Variants in TENM3 observed in about 807,000 individuals in gnomAD.
The protein encoded by TENM3 is teneurin-3.
TENM3 carries 63 observed loss-of-function variants against 255.1 expected under a neutral mutation model. That is an observed-to-expected ratio of 0.25 (90% CI 0.20 to 0.30). The LOEUF is 0.30. Among genes scored for constraint, TENM3 ranks in the 10% least tolerant of loss-of-function variants. The probability of loss-of-function intolerance (pLI) is 1.00; values close to 1 mark genes in which losing one functional copy is unlikely to be tolerated. For missense variants in TENM3, 2,929 were observed against 3,461.1 expected, an observed-to-expected ratio of 0.85 and a Z score of 3.86; for synonymous variants, 1,306 against 1,322.3, an observed-to-expected ratio of 0.99 and a Z score of 0.27.
chr4:181,714,278 A>T, the TENM3 span, among the ~76,000 whole-genome samples: 1 of 151,634 alleles, frequency 6.6e-6, no homozygotes, highest in African/African-American at 2.4e-5. Context: ...TGTACAAAGA[A>T]GTTAGAAAAA....
At chr4:182,255,339 C>T (rs1758321040) in intron 1 of TENM3, among the ~76,000 whole-genome samples, 1 of 152,064 alleles carries the variant, frequency 6.6e-6, no homozygotes, top group South Asian at 2.1e-4. Flanking sequence ...TGGATGAGAT[C>T]ATTAACTGTT....
At chr4:181,686,535 A>G in the TENM3 span, among the ~76,000 whole-genome samples, 1 of 152,174 alleles carries the variant, frequency 6.6e-6, no homozygotes, top group Non-Finnish European at 1.5e-5. Context: ...GCGCCCAATT[A>G]GGTGGAAAAC....
At chr4:181,620,116 C>A in the TENM3 span, among the ~76,000 whole-genome samples, 4 of 152,002 alleles carry the variant, frequency 2.6e-5, no homozygotes, top group Non-Finnish European at 4.4e-5. Flanking sequence ...CAAAAGTTAG[C>A]TGGGCGTGGT....
the TENM3 span, among the ~76,000 whole-genome samples, chr4:182,092,094 C>A: frequency 6.6e-6 from 1 of 152,198 alleles, no homozygotes. Flanking sequence ...AATCCCAACA[C>A]TTTGGGAGGC....
At chr4:182,339,822 A>G (rs1764372340) in intron 2 of TENM3, among the ~76,000 whole-genome samples, 1 of 152,168 alleles carries the variant, frequency 6.6e-6, no homozygotes, top group Non-Finnish European at 1.5e-5. Flanking sequence ...TTGCAGGCGT[A>G]TTATCATTGC....
At chr4:181,906,047 C>T in the TENM3 span, 3 of 395,038 alleles carry the variant, frequency 7.6e-6, no homozygotes, top group South Asian at 7.2e-5. Flanking sequence ...TGTTCTCTCT[C>T]AACATCAGAC....
At chr4:181,562,724 T>A in the TENM3 span, among the ~76,000 whole-genome samples, 1 of 151,038 alleles carries the variant, frequency 6.6e-6, no homozygotes, top group African/African-American at 2.4e-5. Context: ...TCACCCAGGC[T>A]AGAGCAGTGC....
intron 6 of TENM3, among the ~76,000 whole-genome samples, chr4:182,669,588 A>T (rs2152545861): frequency 6.6e-6 from 1 of 152,190 alleles, no homozygotes; most frequent in South Asian, 2.1e-4. Context: ...CAGTTTTTTA[A>T]GTTTTATCAA....
At chr4:182,308,930 C>G (rs1027953531) in intron 1 of TENM3, among the ~76,000 whole-genome samples, 2 of 152,120 alleles carry the variant, frequency 1.3e-5, no homozygotes, top group African/African-American at 4.8e-5. Flanking sequence ...GAAAAATATT[C>G]TAGAGAATGG....
intron 1 of TENM3, chr4:182,169,287 T>C (rs770007604): frequency 4.2e-6 from 2 of 479,954 alleles, no homozygotes; most frequent in Admixed American, 4.5e-5. Context: ...GGGTATAGCA[T>C]TTCAGAAGAT....
At chr4:182,699,317 T>C (rs953213779) in intron 12 of TENM3, among the ~76,000 whole-genome samples, 2 of 152,348 alleles carry the variant, frequency 1.3e-5, no homozygotes, top group East Asian at 3.9e-4. Flanking sequence ...GGATTTGTAT[T>C]GTTTTTTGAT....
chr4:182,626,790 G>T (rs1400292281), intron 4 of TENM3, among the ~76,000 whole-genome samples: 1 of 152,076 alleles, frequency 6.6e-6, no homozygotes, highest in Non-Finnish European at 1.5e-5. Flanking sequence ...TGTACAAGTG[G>T]CAACTCATCA....
the TENM3 span, among the ~76,000 whole-genome samples, chr4:182,108,146 C>A: frequency 6.6e-6 from 1 of 152,142 alleles, no homozygotes; most frequent in African/African-American, 2.4e-5. Context: ...GAGCATGTGC[C>A]CAGCCTGCAC....
the TENM3 span, among the ~76,000 whole-genome samples, chr4:181,981,934 C>T: frequency 6.6e-6 from 1 of 152,138 alleles, no homozygotes; most frequent in Non-Finnish European, 1.5e-5. Flanking sequence ...TGATCAGACT[C>T]CTATTTAAGA....
At chr4:181,769,736 T>G in the TENM3 span, among the ~76,000 whole-genome samples, 1 of 152,230 alleles carries the variant, frequency 6.6e-6, no homozygotes, top group Admixed American at 6.5e-5. Context: ...ATCATTTGTT[T>G]TGAGAATAAA....
intron 3 of TENM3, among the ~76,000 whole-genome samples, chr4:182,408,302 C>T (rs1357576746): frequency 2.0e-5 from 3 of 152,206 alleles, no homozygotes; most frequent in Admixed American, 1.3e-4. Context: ...CTCCCAGAGG[C>T]CCTTTCATCC....
chr4:181,670,814 T>C, the TENM3 span, among the ~76,000 whole-genome samples: 1 of 152,198 alleles, frequency 6.6e-6, no homozygotes, highest in African/African-American at 2.4e-5. Flanking sequence ...ACAAGATTCA[T>C]TAATAATGCA....
chr4:182,544,434 G>A lies in TENM3; in HGVS notation c.512-56490G>A, dbSNP rs181821080. On this transcript the variant is annotated intron_variant, in intron 3 of 27. Coordinates refer to ENST00000511685, the MANE Select transcript of TENM3 (RefSeq NM_001080477.4). ...CAACCTCTGCCTCCCGGGTTCAAGC[G>A]ACTCTCCTACCTCAGTCTCTCGAGT... Among the ~76,000 whole-genome samples the A allele has an allele frequency of 4.4e-4, 64 of 145,322 alleles. 1 individual carries two copies. In the East Asian group the frequency reaches 9.0e-3, roughly 20 times the overall value.
chr4:181,493,715 G>T, the TENM3 span, among the ~76,000 whole-genome samples: 1 of 152,128 alleles, frequency 6.6e-6, no homozygotes, highest in Non-Finnish European at 1.5e-5. Context: ...TTGCACTCCA[G>T]CCTGGGCAAC....
Sources: allele counts gnomAD v4.1 joint callset (sites outside exome capture counted in the v4.1 genomes callset), GRCh38; gene constraint gnomAD v4.1.1; transcripts MANE v1.5; gene names NCBI Gene and HGNC (gene_info 2026-07-23, HGNC 2026-07-21).